Variants in KRT71 observed in about 807,000 individuals in gnomAD.
KRT71 encodes keratin 71, also known as keratin, type II cytoskeletal 71.
Under a neutral mutation model 46.2 loss-of-function variants are expected in KRT71, and 42 were observed. That is an observed-to-expected ratio of 0.91 (90% CI 0.71 to 1.18). The LOEUF (loss-of-function observed/expected upper bound fraction) is 1.18, where lower values mean the gene tolerates loss of function less well. KRT71 is among the 50% of genes most tolerant of loss of function. The pLI is 0.00. For missense variants in KRT71, 708 were observed against 677.9 expected, an observed-to-expected ratio of 1.04 and a Z score of -0.49; for synonymous variants, 292 against 277.8, an observed-to-expected ratio of 1.05 and a Z score of -0.51.
chr12:52,546,301 T>C lies in KRT71; in HGVS notation c.1310A>G (p.Glu437Gly), dbSNP rs150869006. The change falls in exon 7 of 9, where the codon GAG becomes GGG. Residue 437 changes from glutamate to glycine, a missense_variant. Transcript: ENST00000267119. ...MEIATYRKLL[E>G]SEECRMSGEF... The stretch of plus-strand genomic sequence containing the variant: ...CCCCGCCCACCTGCACTCCTCGCTC[T>C]CCAGTAGCTTGCGATAGGTGGCGAT... 2.2e-5 allele frequency: 35 copies of C among 1,614,038 alleles called. No individual in the cohort carries two copies. The highest frequency in any genetic ancestry group is 6.7e-5 in the African/African-American group (5 of 74,922).
At chr12:52,547,493 A>G (rs1939076282) in intron 6 of KRT71, among the ~76,000 whole-genome samples, 1 of 152,152 alleles carries the variant, frequency 6.6e-6, no homozygotes, top group South Asian at 2.1e-4. Flanking sequence ...GATGCTGGGG[A>G]AACAGGGTAC....
intron 2 of KRT71, 133 bp from the exon 3 acceptor site, chr12:52,549,486 G>T: frequency 1.4e-6 from 1 of 731,096 alleles, no homozygotes; most frequent in Non-Finnish European, 2.4e-6. Context: ...CTGGGCAGGG[G>T]TAAGTGGGGG....
chr12:52,548,684 TG>T lies in KRT71; in HGVS notation c.813+16del, dbSNP rs1306175433. 2 of 1,610,054 alleles carry T rather than the reference TG, an allele frequency of 1.2e-6. No homozygotes were observed. Among genetic ancestry groups the T allele is most frequent in the Admixed American group, 3.3e-5 (2 of 60,000 alleles). ...ACCAGCCTCCCCTAGATGAACCAAG[TG>T]GGCAGACAGACTTACGGCTTCAAAG... On this transcript the variant is annotated intron_variant, in intron 4 of 8. Transcript: ENST00000267119.
intron 1 of KRT71, 43 bp downstream of exon 1, chr12:52,552,594 G>T (rs752093503): frequency 6.4e-7 from 1 of 1,551,706 alleles, no homozygotes; most frequent in South Asian, 1.2e-5. Context: ...AAGAAGAGAA[G>T]AGGAGGGCTG....
At position 52,548,445 on chromosome 12, in the gene KRT71, G is replaced by A. The variant is rs1448907596; in HGVS notation, c.814-129C>T. The stretch of plus-strand genomic sequence containing the variant: ...GGAACCCAAGGCTGCTGCCATCCAG[G>A]GCTGTGTGCTTTGCGGCAAAGCAAG... On this transcript the variant is annotated intron_variant, in intron 4 of 8. Coordinates refer to ENST00000267119, the MANE Select transcript of KRT71 (RefSeq NM_033448.3). 5.3e-6 allele frequency: 6 copies of A among 1,132,654 alleles called. No individual in the cohort carries two copies. In the Admixed American group the frequency reaches 9.8e-5, roughly 19 times the overall value. The allele number at this position is 1,132,654 out of a possible 1,614,324, so 70.2% of individuals were successfully genotyped here.
chr12:52,552,967 T>A lies in KRT71; in HGVS notation c.111A>T (p.Lys37Asn), dbSNP rs781276195. ...GSSSSFRAGS[K>N]GLSGGFGSRS... is the part of the protein sequence containing the mutation. Reference sequence around the variant, plus strand: ...GGCTGCCAAAGCCCCCACTGAGCCCTTTGCTCCCTGCCCGGAAGGAGGATG... The same window carrying A: ...GGCTGCCAAAGCCCCCACTGAGCCCATTGCTCCCTGCCCGGAAGGAGGATG... The change falls in exon 1 of 9, where the codon AAA (lysine) becomes AAT (asparagine). Residue 37 changes from lysine (K) to asparagine (N), a missense_variant. By Grantham distance (94) the Lys-to-Asn change is moderately conservative. Transcript: ENST00000267119. The A allele has an allele frequency of 1.2e-6, 2 of 1,614,018 alleles. No homozygotes were observed. The highest frequency in any genetic ancestry group is 2.7e-5 in the African/African-American group (2 of 74,922).
At position 52,544,279 on chromosome 12, in the gene KRT71, T is replaced by G; in HGVS notation, c.*253A>C. 1.8e-6 allele frequency: 1 copy of G among 553,416 alleles called. No individual in the cohort carries two copies. Among genetic ancestry groups the G allele is most frequent in the Non-Finnish European group, 3.3e-6 (1 of 306,946 alleles). The allele number at this position is 553,416 out of a possible 1,614,324, so 34.3% of individuals were successfully genotyped here. On this transcript the variant is annotated 3_prime_UTR_variant, in exon 9 of 9. Coordinates refer to ENST00000267119, the MANE Select transcript of KRT71 (RefSeq NM_033448.3). ...AGCTGGCAGCCAGGACCTGGGCTGG[T>G]GGTGTAGCTGGGGGACCACAGCCAA...
In KRT71 at chr12:52,550,065, C is replaced by G. The variant is rs778146621; in HGVS notation, c.620G>C (p.Arg207Thr). 1.9e-6 allele frequency: 3 copies of G among 1,614,182 alleles called. No individual in the cohort carries two copies. The highest frequency in any genetic ancestry group is 3.3e-5 in the Admixed American group (2 of 60,026). ...GDRVRLDSELRNVRDVVEDYK... is the reference protein window; with the variant it reads ...GDRVRLDSELTNVRDVVEDYK... ...GTCCTCCACTACGTCCCGCACATTCCTCAGCTCCGAGTCCAGCCTCACCCT... is the reference window on the plus strand; with the variant it reads ...GTCCTCCACTACGTCCCGCACATTCGTCAGCTCCGAGTCCAGCCTCACCCT... Residue 207 changes from arginine to threonine, a missense_variant, in exon 2 of 9, where the codon AGG (arginine) becomes ACG (threonine). Coordinates refer to ENST00000267119, the MANE Select transcript of KRT71 (RefSeq NM_033448.3).
chr12:52,551,682 C>T (rs913837234), intron 1 of KRT71, among the ~76,000 whole-genome samples: 2 of 152,222 alleles, frequency 1.3e-5, no homozygotes, highest in Non-Finnish European at 2.9e-5. Flanking sequence ...CTCCAGTCTC[C>T]TCCTCTGGGT....
intron 8 of KRT71, among the ~76,000 whole-genome samples, chr12:52,545,028 G>T (rs1030801969): frequency 1.3e-5 from 2 of 152,116 alleles, no homozygotes; most frequent in African/African-American, 4.8e-5. Flanking sequence ...CCCACCCATT[G>T]CCCTTTCTAT....
intron 3 of KRT71, among the ~76,000 whole-genome samples, chr12:52,549,018 G>A (rs752337574): frequency 9.2e-5 from 14 of 151,510 alleles, no homozygotes; most frequent in East Asian, 2.0e-4. Flanking sequence ...GCTGGGTCCC[G>A]GGGCTGCAGG....
chr12:52,544,514 G>C lies in KRT71; in HGVS notation c.*18C>G. Reference sequence around the variant, plus strand: ...AGAGCCGGGTCATGGAATGAGGCGGGGCCCGGGGCAGTCTTCTCTACCGAC... The same window carrying C: ...AGAGCCGGGTCATGGAATGAGGCGGCGCCCGGGGCAGTCTTCTCTACCGAC... On this transcript the variant is annotated 3_prime_UTR_variant, in exon 9 of 9. Coordinates refer to ENST00000267119, the MANE Select transcript of KRT71 (RefSeq NM_033448.3). The C allele has an allele frequency of 2.5e-6, 4 of 1,609,012 alleles. No homozygotes were observed. The highest frequency in any genetic ancestry group is 2.6e-6 in the Non-Finnish European group (3 of 1,175,416).
Position 52,544,061 on chromosome 12 carries a change from G to T in KRT71, c.*471C>A. 5.7e-6 allele frequency: 1 copy of T among 174,848 alleles called. No homozygotes were observed. Among genetic ancestry groups the T allele is most frequent in the Non-Finnish European group, 1.2e-5 (1 of 80,440 alleles). The allele number at this position is 174,848 out of a possible 1,614,324, so 10.8% of individuals were successfully genotyped here. Reference sequence around the variant, plus strand: ...TGGTCCCACTCAGATTTGAGACTGAGCTAGATGTGGGGGTGGGGACTGGGC... The same window carrying T: ...TGGTCCCACTCAGATTTGAGACTGATCTAGATGTGGGGGTGGGGACTGGGC... On this transcript the variant is annotated 3_prime_UTR_variant, in exon 9 of 9. Transcript: ENST00000267119.
chr12:52,546,586 A>C, intron 6 of KRT71, 80 bp from the exon 7 acceptor site: 1 of 1,376,440 alleles, frequency 7.3e-7, no homozygotes, highest in Non-Finnish European at 9.9e-7. Flanking sequence ...GGGTCCTTAG[A>C]GTGGGGCAGA....
chr12:52,549,487 TA>T, intron 2 of KRT71, 134 bp from the exon 3 acceptor site: 1 of 727,000 alleles, frequency 1.4e-6, no homozygotes, highest in Non-Finnish European at 2.4e-6. Context: ...TGGGCAGGGG[TA>T]AGTGGGGGAA....
At chr12:52,552,383 G>C (rs1939187124) in intron 1 of KRT71, among the ~76,000 whole-genome samples, 1 of 152,238 alleles carries the variant, frequency 6.6e-6, no homozygotes, top group Non-Finnish European at 1.5e-5. Context: ...GCCCTCAAGA[G>C]GAAGGACCAC....
chr12:52,552,631 A>G lies in KRT71; in HGVS notation c.441+6T>C. On this transcript the variant is annotated splice_donor_region_variant and intron_variant, in intron 1 of 8. Coordinates refer to ENST00000267119, the MANE Select transcript of KRT71 (RefSeq NM_033448.3). The stretch of plus-strand genomic sequence containing the variant: ...TCACAAGTTCCCCAGGCCCTAGAAG[A>G]CCCACCTTGTCGATGAAGGAGGCGA... 5 of 1,606,730 alleles carry G rather than the reference A, an allele frequency of 3.1e-6. No individual in the cohort carries two copies. Among genetic ancestry groups the G allele is most frequent in the Non-Finnish European group, 4.2e-6 (5 of 1,176,578 alleles).
At chr12:52,552,551 A>G in intron 1 of KRT71, 86 bp downstream of exon 1, 2 of 1,375,762 alleles carry the variant, frequency 1.5e-6, no homozygotes, top group Non-Finnish European at 1.0e-6. Context: ...ATCTAACCTC[A>G]ATCTCTCCTG....
chr12:52,552,360 T>C (rs1419837089), intron 1 of KRT71, among the ~76,000 whole-genome samples: 1 of 152,224 alleles, frequency 6.6e-6, no homozygotes, highest in African/African-American at 2.4e-5. Flanking sequence ...GGCCTAGCAA[T>C]GGCACCAAGC....
Sources: allele counts gnomAD v4.1 joint callset (sites outside exome capture counted in the v4.1 genomes callset), GRCh38; gene constraint gnomAD v4.1.1; transcripts MANE v1.5; gene names NCBI Gene and HGNC (gene_info 2026-07-23, HGNC 2026-07-21).